Variants in PRIM2 observed in about 807,000 individuals in gnomAD.
The protein encoded by PRIM2 is DNA primase large subunit.
In PRIM2, 39 loss-of-function variants were observed where a neutral mutation model predicts 67.3. The observed-to-expected ratio is 0.58, with a 90% CI of 0.45 to 0.76. PRIM2 has a LOEUF of 0.76. Ranked by LOEUF, PRIM2 falls within the 30% of genes least tolerant of loss-of-function variation. PRIM2 has a pLI of 0.00. For synonymous variants in PRIM2, 143 were observed against 198.7 expected, an observed-to-expected ratio of 0.72 and a Z score of 2.36; for missense variants, 398 against 598.7, an observed-to-expected ratio of 0.66 and a Z score of 3.50.
At chr6:57,421,267 G>A (rs564149586) in intron 7 of PRIM2, among the ~76,000 whole-genome samples, 1 of 152,254 alleles carries the variant, frequency 6.6e-6, no homozygotes, top group South Asian at 2.1e-4. Context: ...TAAAATTTGA[G>A]TCAAAAATTT....
At chr6:57,549,741 T>G (rs1775362665) in intron 10 of PRIM2, among the ~76,000 whole-genome samples, 1 of 152,248 alleles carries the variant, frequency 6.6e-6, no homozygotes, top group African/African-American at 2.4e-5. Context: ...AAAGAAAAGC[T>G]TGTTTTGTTT....
chr6:57,643,299 C>G (rs1343166463), intron 13 of PRIM2, among the ~76,000 whole-genome samples: 2 of 152,132 alleles, frequency 1.3e-5, no homozygotes, highest in African/African-American at 4.8e-5. Context: ...CCAAGTTTAT[C>G]TCTAGAAATA....
intron 10 of PRIM2, among the ~76,000 whole-genome samples, chr6:57,551,137 A>G (rs2127474962): frequency 6.6e-6 from 1 of 152,290 alleles, no homozygotes; most frequent in South Asian, 2.1e-4. Context: ...AAATAACCAG[A>G]CAGTTATTTT....
At chr6:57,330,752 T>TA (rs1293420074) in intron 5 of PRIM2, among the ~76,000 whole-genome samples, 1 of 152,134 alleles carries the variant, frequency 6.6e-6, no homozygotes, top group Non-Finnish European at 1.5e-5. Flanking sequence ...GAGTTTTTTT[T>TA]ATAGATGCCC....
chr6:57,586,685 C>T (rs1776194205), intron 10 of PRIM2, among the ~76,000 whole-genome samples: 1 of 152,186 alleles, frequency 6.6e-6, no homozygotes, highest in Admixed American at 6.5e-5. Context: ...GCCAGGTGTG[C>T]GCACAGGAAA....
chr6:57,604,339 T>C (rs1206054550), intron 11 of PRIM2, among the ~76,000 whole-genome samples: 2 of 152,170 alleles, frequency 1.3e-5, no homozygotes, highest in African/African-American at 4.8e-5. Context: ...TTTGCTGAAG[T>C]CATTGATTAA....
At chr6:57,364,167 A>G (rs1769280504) in intron 5 of PRIM2, among the ~76,000 whole-genome samples, 2 of 147,968 alleles carry the variant, frequency 1.4e-5, no homozygotes, top group Non-Finnish European at 3.0e-5. Context: ...AATTTGTTGT[A>G]GGTTGCTTTT....
At chr6:57,352,108 T>G (rs1768876649) in intron 5 of PRIM2, among the ~76,000 whole-genome samples, 1 of 152,232 alleles carries the variant, frequency 6.6e-6, no homozygotes, top group South Asian at 2.1e-4. Flanking sequence ...AGTGATCTTA[T>G]TAGCAGTGAT....
chr6:57,426,832 A>C (rs1392932534), intron 7 of PRIM2, among the ~76,000 whole-genome samples: 1 of 152,226 alleles, frequency 6.6e-6, no homozygotes, highest in Non-Finnish European at 1.5e-5. Context: ...CTAAAGTAGA[A>C]ATGTGTACAA....
chr6:57,305,857 C>T, the PRIM2 span, among the ~76,000 whole-genome samples: 25 of 152,294 alleles, frequency 1.6e-4, no homozygotes, highest in Middle Eastern at 3.4e-3. Flanking sequence ...TTATAATCTT[C>T]AGATGCTCTA....
rs1261191358 is a variant in PRIM2 at position 57,501,384 on chromosome 6, C to T, written c.694-6003C>T. Among the ~76,000 whole-genome samples, 161 of 152,210 alleles carry T rather than the reference C, an allele frequency of 1.1e-3. 1 individual carries two copies. Among genetic ancestry groups the T allele is most frequent in the African/African-American group, 3.7e-3 (153 of 41,536 alleles). On this transcript the variant is annotated intron_variant, in intron 7 of 13. Transcript: ENST00000615550. ...GTGTGATCTCTGCTCACTACAACCT[C>T]TGCCTCCTGGGTTCAAGCGATTATC...
At chr6:57,334,118 G>T (rs375096655) in intron 5 of PRIM2, among the ~76,000 whole-genome samples, 311 of 152,192 alleles carry the variant, frequency 2.0e-3, no homozygotes, top group African/African-American at 7.2e-3. Context: ...ATTTCTATGA[G>T]ATCAACTTTT....
At chr6:57,539,634 GTGTGTGTGTGTGTGTGTGTGTGTATA>G (rs1173016082) in intron 10 of PRIM2, among the ~76,000 whole-genome samples, 1 of 67,884 alleles carries the variant, frequency 1.5e-5, no homozygotes, top group African/African-American at 7.6e-5. Context: ...GTGTGTGTGT[GTGTGTGTGTGTGTGTGTGTGTGTATA>G]TATATATATA....
intron 7 of PRIM2, among the ~76,000 whole-genome samples, chr6:57,422,158 C>CTTTTTTTTTTTTTTTTTT (rs575958629): frequency 0.016 from 1,669 of 103,126 alleles, 146 homozygotes; most frequent in South Asian, 0.021. Flanking sequence ...TCTTTTCTTT[C>CTTTTTTTTTTTTTTTTTT]TTTTTTTTTT....
the PRIM2 span, among the ~76,000 whole-genome samples, chr6:57,223,463 T>C: frequency 8.5e-5 from 13 of 152,358 alleles, no homozygotes; most frequent in African/African-American, 3.1e-4. Context: ...ATGTGAATTA[T>C]AATTCACACT....
intron 12 of PRIM2, among the ~76,000 whole-genome samples, chr6:57,626,858 T>G (rs1184873660): frequency 1.3e-5 from 2 of 152,062 alleles, no homozygotes; most frequent in African/African-American, 4.8e-5. Flanking sequence ...ACTCCTGGAC[T>G]TAAGCAATCC....
intron 9 of PRIM2, among the ~76,000 whole-genome samples, chr6:57,534,274 A>G (rs1313346254): frequency 1.3e-5 from 2 of 151,984 alleles, no homozygotes; most frequent in African/African-American, 2.4e-5. Flanking sequence ...ATCTTATTAT[A>G]TCATCTGATA....
intron 7 of PRIM2, among the ~76,000 whole-genome samples, chr6:57,497,249 T>C (rs1421002280): frequency 7.2e-5 from 11 of 152,186 alleles, no homozygotes; most frequent in African/African-American, 2.4e-4. Flanking sequence ...CAGGTACCTT[T>C]GGCTGAACAG....
chr6:57,496,125 A>G (rs1773999034), intron 7 of PRIM2, among the ~76,000 whole-genome samples: 2 of 152,190 alleles, frequency 1.3e-5, no homozygotes, highest in African/African-American at 4.8e-5. Flanking sequence ...GCAGAAAATG[A>G]TAGTGTATAT....
Sources: gnomAD v4.1 joint callset for allele counts (sites outside exome capture counted in the v4.1 genomes callset) on GRCh38, gnomAD v4.1.1 for gene constraint, MANE v1.5 for transcripts, NCBI Gene and HGNC (gene_info 2026-07-23, HGNC 2026-07-21) for gene names.